MTM1: variants seen among roughly 807,000 people sequenced by gnomAD.
The protein encoded by MTM1 is myotubularin 1, also known as myotubularin.
A neutral mutation model predicts 52.1 loss-of-function variants in MTM1; 9 were observed. That is an observed-to-expected ratio of 0.17 (90% CI 0.10 to 0.30). The LOEUF (loss-of-function observed/expected upper bound fraction) is 0.30, where lower values mean the gene tolerates loss of function less well. Ranked by LOEUF, MTM1 falls within the 10% of genes least tolerant of loss-of-function variation. The probability of loss-of-function intolerance (pLI) is 1.00; values close to 1 mark genes in which losing one functional copy is unlikely to be tolerated. For synonymous variants in MTM1, 136 were observed against 163.8 expected (o/e 0.83, Z 1.29); for missense variants, 277 against 470.7 (o/e 0.59, Z 3.81).
intron 14 of MTM1, among the ~76,000 whole-genome samples, chrX:150,664,323 T>G (rs1004300016): frequency 3.5e-5 from 4 of 112,912 alleles, no homozygotes; most frequent in African/African-American, 1.3e-4. Context: ...GTGTGGGTGG[T>G]CGACTACCTG....
chrX:150,655,541 A>G (rs2040098704), intron 10 of MTM1, among the ~76,000 whole-genome samples: 1 of 111,902 alleles, frequency 8.9e-6, no homozygotes, highest in African/African-American at 3.3e-5. Flanking sequence ...TCTATATACA[A>G]TGGAAGGTTA....
At chrX:150,588,252 A>G (rs1303886588) in intron 1 of MTM1, among the ~76,000 whole-genome samples, 2 of 112,209 alleles carry the variant, frequency 1.8e-5, no homozygotes, top group Non-Finnish European at 3.8e-5. Context: ...ACACAGAGTC[A>G]TAAACCACAT....
At chrX:150,586,233 A>G (rs1174953656) in intron 1 of MTM1, among the ~76,000 whole-genome samples, 4 of 112,218 alleles carry the variant, frequency 3.6e-5, no homozygotes, top group Non-Finnish European at 7.5e-5. Flanking sequence ...AGTGACCAAG[A>G]CAAATCAAGA....
chrX:150,583,800 A>G (rs1460835439), intron 1 of MTM1, among the ~76,000 whole-genome samples: 31 of 51,667 alleles, frequency 6.0e-4, no homozygotes, highest in African/African-American at 2.1e-3. Context: ...TATAAAATAT[A>G]TATTAAATAT....
chrX:150,636,793 C>G (rs972104416), intron 6 of MTM1, among the ~76,000 whole-genome samples: 1 of 112,049 alleles, frequency 8.9e-6, no homozygotes, highest in South Asian at 3.7e-4. Flanking sequence ...AAGTACTGAC[C>G]AGCGCAGTAT....
At chrX:150,597,978 T>A in intron 3 of MTM1, among the ~76,000 whole-genome samples, 1 of 110,869 alleles carries the variant, frequency 9.0e-6, no homozygotes. Context: ...TCCCAGCTAC[T>A]CAGGAGGCTG....
At chrX:150,568,296 C>T (rs1271675618), upstream of MTM1, among the ~76,000 whole-genome samples, 1 of 113,381 alleles carries the variant, frequency 8.8e-6, no homozygotes, top group Non-Finnish European at 1.9e-5. Flanking sequence ...CAGCCGCCTC[C>T]GCCCGGCGCC....
At chrX:150,652,902 A>T (rs1557414267) in intron 10 of MTM1, among the ~76,000 whole-genome samples, 1 of 109,746 alleles carries the variant, frequency 9.1e-6, no homozygotes, top group Non-Finnish European at 1.9e-5. Context: ...AGGAAGAGAG[A>T]CTGGGTGAGA....
intron 4 of MTM1, among the ~76,000 whole-genome samples, chrX:150,612,813 G>A (rs782299730): frequency 7.2e-5 from 8 of 111,017 alleles, no homozygotes; most frequent in East Asian, 2.8e-4. Context: ...GCAAAACCCC[G>A]TCTCTACTAA....
chrX:150,653,479 C>T (rs1178039227), intron 10 of MTM1, among the ~76,000 whole-genome samples: 1 of 112,179 alleles, frequency 8.9e-6, no homozygotes, highest in Non-Finnish European at 1.9e-5. Flanking sequence ...TGCAAAGTCC[C>T]TATTACCATG....
chrX:150,669,693 C>A (rs1263941428), intron 14 of MTM1, among the ~76,000 whole-genome samples: 1 of 112,009 alleles, frequency 8.9e-6, no homozygotes, highest in Non-Finnish European at 1.9e-5. Context: ...TGTTCATATC[C>A]TTTGCCTACT....
intron 1 of MTM1, among the ~76,000 whole-genome samples, chrX:150,576,253 G>T (rs2038469544): frequency 9.0e-6 from 1 of 111,458 alleles, no homozygotes; most frequent in African/African-American, 3.3e-5. Context: ...CTGTTCTCTG[G>T]AAGTTTGTAT....
At chrX:150,669,024 TC>T (rs1473527193) in intron 14 of MTM1, among the ~76,000 whole-genome samples, 1 of 110,551 alleles carries the variant, frequency 9.0e-6, no homozygotes, top group East Asian at 2.8e-4. Context: ...CTAAGTTCCC[TC>T]CCCTCACCCC....
intron 4 of MTM1, among the ~76,000 whole-genome samples, chrX:150,608,996 A>G (rs1011626327): frequency 9.1e-6 from 1 of 110,128 alleles, no homozygotes; most frequent in Non-Finnish European, 1.9e-5. Flanking sequence ...CGCCCAGCTG[A>G]TTTTTGTATT....
At chrX:150,618,515 C>T (rs1368954804) in intron 5 of MTM1, among the ~76,000 whole-genome samples, 1 of 109,516 alleles carries the variant, frequency 9.1e-6, no homozygotes, top group Non-Finnish European at 1.9e-5. Context: ...ATTAGCTGGG[C>T]GTGGTGGTGC....
At chrX:150,567,436 A>G (rs1557411269), upstream of MTM1, among the ~76,000 whole-genome samples, 1 of 112,282 alleles carries the variant, frequency 8.9e-6, no homozygotes, top group African/African-American at 3.2e-5. Context: ...ACTAACACAT[A>G]CAAGAGAAAA....
Position 150,592,708 on chromosome X carries a change from T to C in MTM1, c.63+31T>C, listed in dbSNP as rs1603119149. 3.1e-6 allele frequency: 3 copies of C among 957,277 alleles called. No individual in the cohort carries two copies. The East Asian group carries it at 9.2e-5, about 29-fold the overall frequency. The allele number at this position is 957,277 out of a possible 1,213,427, so 78.9% of individuals were successfully genotyped here. ...TTGAATTTTCAGATTTATCTGTCTC[T>C]TTCCTTGCATTTATTTTGATATTTG... is the stretch of plus-strand genomic sequence containing the variant. On this transcript the variant is annotated intron_variant, in intron 2 of 14. Coordinates refer to ENST00000370396, the MANE Select transcript of MTM1 (RefSeq NM_000252.3).
intron 6 of MTM1, among the ~76,000 whole-genome samples, chrX:150,626,008 C>T (rs1361141754): frequency 8.9e-6 from 1 of 112,585 alleles, no homozygotes; most frequent in Non-Finnish European, 1.9e-5. Flanking sequence ...ACAGCAGCAC[C>T]TTTGTGAGCA....
intron 3 of MTM1, among the ~76,000 whole-genome samples, chrX:150,598,092 CAAAA>C (rs1411149543): frequency 1.8e-5 from 2 of 110,726 alleles, no homozygotes; most frequent in African/African-American, 6.6e-5. Flanking sequence ...ATCTCAAAAA[CAAAA>C]AAAGACAGAA....
Sources: allele counts gnomAD v4.1 joint callset (sites outside exome capture counted in the v4.1 genomes callset), GRCh38; gene constraint gnomAD v4.1.1; transcripts MANE v1.5; gene names NCBI Gene and HGNC (gene_info 2026-07-23, HGNC 2026-07-21).